SSH2: variants seen among roughly 807,000 people sequenced by gnomAD.
The protein encoded by SSH2 is protein phosphatase Slingshot homolog 2.
In SSH2, 37 loss-of-function variants were observed where a neutral mutation model predicts 135.2. The ratio of observed to expected loss-of-function variants is 0.27; its 90% confidence interval spans 0.21 to 0.36. The LOEUF (loss-of-function observed/expected upper bound fraction) is 0.36, where lower values mean the gene tolerates loss of function less well. SSH2 is among the 10% of genes least tolerant of loss of function. The pLI, the probability that SSH2 is intolerant of heterozygous loss-of-function variation, is 1.00. For synonymous variants in SSH2, 628 were observed against 646.2 expected, an observed-to-expected ratio of 0.97 and a Z score of 0.43; for missense variants, 1,408 against 1,765.3, an observed-to-expected ratio of 0.80 and a Z score of 3.63.
intron 2 of SSH2, among the ~76,000 whole-genome samples, chr17:29,816,650 C>T (rs952268412): frequency 7.9e-5 from 12 of 151,394 alleles, no homozygotes; most frequent in African/African-American, 2.9e-4. Flanking sequence ...TGTCACTTAA[C>T]TTTATTGGGC....
At chr17:29,834,646 A>G (rs576622247) in intron 2 of SSH2, among the ~76,000 whole-genome samples, 6 of 152,196 alleles carry the variant, frequency 3.9e-5, no homozygotes, top group Non-Finnish European at 5.9e-5. Flanking sequence ...TGTGTCATAA[A>G]AAGATCCTCC....
chr17:29,679,566 C>T (rs1419291352), intron 6 of SSH2, among the ~76,000 whole-genome samples: 1 of 152,024 alleles, frequency 6.6e-6, no homozygotes, highest in Non-Finnish European at 1.5e-5. Flanking sequence ...ACTACCACGC[C>T]CAGCTAATTT....
At chr17:29,655,496 G>T in intron 12 of SSH2, 65 bp downstream of exon 12, 2 of 1,451,878 alleles carry the variant, frequency 1.4e-6, no homozygotes, top group South Asian at 1.1e-5. Context: ...TCTTTGATGG[G>T]AAAATGAAGA....
At chr17:29,800,874 CT>C (rs1222100682) in intron 2 of SSH2, among the ~76,000 whole-genome samples, 3 of 128,526 alleles carry the variant, frequency 2.3e-5, no homozygotes, top group Admixed American at 7.5e-5. Flanking sequence ...TTTTTTTTTT[CT>C]TTTTTTTTGA....
rs771318109 is a variant in SSH2 at position 29,793,910 on chromosome 17, G to A, written c.172C>T (p.Arg58Trp). ...NEADSGEEEC[R>W]SQPRSISESF... ...CAAACATACCTCCTGGGCTGTGACCGGCATTCTTCCTCCCCACTGTCTGCC... is the reference window on the plus strand; with the variant it reads ...CAAACATACCTCCTGGGCTGTGACCAGCATTCTTCCTCCCCACTGTCTGCC... Residue 58 changes from arginine to tryptophan, a missense_variant, in exon 3 of 16, where the codon CGG becomes TGG. Physicochemically the swap from Arg to Trp is moderately radical, Grantham distance 101. Transcript: ENST00000540801. 1.9e-5 allele frequency: 31 copies of A among 1,613,196 alleles called. No individual in the cohort carries two copies. The highest frequency in any genetic ancestry group is 2.2e-5 in the Non-Finnish European group (26 of 1,179,560).
intron 3 of SSH2, among the ~76,000 whole-genome samples, chr17:29,728,666 A>G (rs1175130468): frequency 6.6e-6 from 1 of 152,216 alleles, no homozygotes; most frequent in African/African-American, 2.4e-5. Context: ...GAGCTATAGT[A>G]ACCAAAACAG....
At chr17:29,794,070 T>G (rs1487667929) in intron 2 of SSH2, 133 bp from the exon 3 acceptor site, 1 of 692,362 alleles carries the variant, frequency 1.4e-6, no homozygotes, top group Non-Finnish European at 2.4e-6. Flanking sequence ...TTGAACTAAA[T>G]TCTCTTCAAA....
At chr17:29,821,286 G>A (rs925717705) in intron 2 of SSH2, among the ~76,000 whole-genome samples, 1 of 152,056 alleles carries the variant, frequency 6.6e-6, no homozygotes, top group Admixed American at 6.6e-5. Flanking sequence ...TATGAGGGGG[G>A]TCTCACTCTG....
chr17:29,793,414 A>G (rs1029130034), intron 3 of SSH2, among the ~76,000 whole-genome samples: 1 of 152,196 alleles, frequency 6.6e-6, no homozygotes, highest in Non-Finnish European at 1.5e-5. Flanking sequence ...TCAAATATGA[A>G]TGACAAATTA....
chr17:29,654,617 C>G (rs2036709718), intron 12 of SSH2, among the ~76,000 whole-genome samples: 2 of 152,136 alleles, frequency 1.3e-5, no homozygotes, highest in Non-Finnish European at 2.9e-5. Context: ...TTGGGATTAG[C>G]TGACCTCCTA....
chr17:29,670,525 G>A (rs551182733), intron 9 of SSH2, among the ~76,000 whole-genome samples: 6 of 152,296 alleles, frequency 3.9e-5, no homozygotes, highest in African/African-American at 1.4e-4. Flanking sequence ...GGGCAGGTGT[G>A]GTGGCTACGC....
At chr17:29,738,545 T>TTTTTC (rs2040446040) in intron 3 of SSH2, among the ~76,000 whole-genome samples, 2 of 149,078 alleles carry the variant, frequency 1.3e-5, no homozygotes, top group Admixed American at 6.6e-5. Context: ...TTTTTTTTCT[T>TTTTTC]TTTTATTTTA....
intron 2 of SSH2, among the ~76,000 whole-genome samples, chr17:29,807,976 G>C (rs1053241014): frequency 7.2e-5 from 11 of 152,014 alleles, no homozygotes; most frequent in African/African-American, 2.7e-4. Context: ...AGCTTACACT[G>C]TGGTTGAACT....
intron 4 of SSH2, among the ~76,000 whole-genome samples, chr17:29,700,526 CAA>C (rs2038933336): frequency 6.6e-6 from 1 of 152,142 alleles, no homozygotes; most frequent in African/African-American, 2.4e-5. Context: ...TATTTCAAAA[CAA>C]GAGTCTTATA....
chr17:29,802,340 C>T (rs112358772), intron 2 of SSH2, among the ~76,000 whole-genome samples: 13 of 152,156 alleles, frequency 8.5e-5, no homozygotes, highest in South Asian at 2.1e-4. Flanking sequence ...GAAATTATAA[C>T]GATATGTCAT....
At chr17:29,781,240 T>A (rs2041833633) in intron 3 of SSH2, among the ~76,000 whole-genome samples, 1 of 152,188 alleles carries the variant, frequency 6.6e-6, no homozygotes, top group African/African-American at 2.4e-5. Context: ...GGCAAAATAG[T>A]ATATATATTG....
intron 3 of SSH2, among the ~76,000 whole-genome samples, chr17:29,761,838 TAC>T (rs1409683156): frequency 7.9e-6 from 1 of 126,002 alleles, no homozygotes; most frequent in African/African-American, 3.1e-5. Context: ...TACACTCACA[TAC>T]ATATGTGTGT....
In SSH2 at chr17:29,703,642, C is replaced by T. The variant is rs569689186; in HGVS notation, c.189-580G>A. Among the ~76,000 whole-genome samples, 9 of 105,520 alleles carry T rather than the reference C, an allele frequency of 8.5e-5. No individual in the cohort carries two copies. In the South Asian group the frequency reaches 2.8e-3, roughly 33 times the overall value. The allele number at this position is 105,520 out of a possible 152,430, so 69.2% of individuals were successfully genotyped here. A position where few individuals can be genotyped will look rare whatever the true frequency, so the allele number is the denominator to read the frequency against. ...CCAGGCTGGAGTGCAGTGGTGCGATCTCGGCTCACTGCAACAACCTCCGCC... is the reference window on the plus strand; with the variant it reads ...CCAGGCTGGAGTGCAGTGGTGCGATTTCGGCTCACTGCAACAACCTCCGCC... On this transcript the variant is annotated intron_variant, in intron 3 of 15. Transcript: ENST00000540801.
At chr17:29,763,837 A>G (rs2041380429) in intron 3 of SSH2, among the ~76,000 whole-genome samples, 1 of 152,082 alleles carries the variant, frequency 6.6e-6, no homozygotes, top group South Asian at 2.1e-4. Context: ...TCAGCTAAGG[A>G]GGCTATGTTA....
Sources: gnomAD v4.1 joint callset for allele counts (sites outside exome capture counted in the v4.1 genomes callset) on GRCh38, gnomAD v4.1.1 for gene constraint, MANE v1.5 for transcripts, NCBI Gene and HGNC (gene_info 2026-07-23, HGNC 2026-07-21) for gene names.